The following CD38 variants were observed in gnomAD, a reference collection of about 807,000 sequenced individuals.
CD38 encodes the protein CD38 molecule.
Under a neutral mutation model 36.3 loss-of-function variants are expected in CD38, and 31 were observed. That is an observed-to-expected ratio of 0.85 (90% confidence interval 0.64 to 1.15). The LOEUF (loss-of-function observed/expected upper bound fraction) is 1.15. Among genes scored for constraint, CD38 ranks in the 50% most tolerant of loss-of-function variants. The pLI is 0.00. For synonymous variants in CD38, 131 were observed against 135.2 expected (o/e 0.97, Z 0.22); for missense variants, 380 against 371.9 (o/e 1.02, Z -0.18).
chr4:15,840,122 T>C lies in CD38; in HGVS notation c.752+4T>C. ...ATGGTGGAAGAGAAGATTCCAGGTA[T>C]ATCTTACTACTTTGTACCCAAGTGT... is the stretch of plus-strand genomic sequence containing the variant. On this transcript the variant is annotated splice_donor_region_variant and intron_variant, in intron 6 of 7. Coordinates refer to ENST00000226279, the MANE Select transcript of CD38 (RefSeq NM_001775.4). 1 of 1,582,286 alleles carries C rather than the reference T, an allele frequency of 6.3e-7. No homozygotes were observed. Among genetic ancestry groups the C allele is most frequent in the Non-Finnish European group, 8.7e-7 (1 of 1,150,980 alleles).
Position 15,778,764 on chromosome 4 carries a change from G to A in CD38, c.233+117G>A. 1.4e-6 allele frequency: 1 copy of A among 726,590 alleles called. No individual in the cohort carries two copies. 45.0% of individuals were successfully genotyped at this position (726,590 alleles called of 1,614,324 possible). A position where few individuals can be genotyped will look rare whatever the true frequency, so the allele number is the denominator to read the frequency against. ...ATCTTCCGTGGCGGGTCAGCCGAGA[G>A]CCCGCCGGGTGGTGCTGAGTAGGGA... On this transcript the variant is annotated intron_variant, in intron 1 of 7. Transcript: ENST00000226279. This position sits in a 1 kb window ranked among gnomAD's most constrained non-coding sequence, Gnocchi z 4.9.
intron 3 of CD38, among the ~76,000 whole-genome samples, chr4:15,827,841 T>C (rs1425874044): frequency 6.6e-6 from 1 of 152,182 alleles, no homozygotes. Context: ...CCTCAATTTT[T>C]AATTTCTTCT....
intron 2 of CD38, among the ~76,000 whole-genome samples, chr4:15,820,760 G>C (rs1440202062): frequency 6.6e-6 from 1 of 151,990 alleles, no homozygotes; most frequent in East Asian, 1.9e-4. Context: ...ACATCCCACT[G>C]TCAATATTAG....
intron 1 of CD38, among the ~76,000 whole-genome samples, chr4:15,802,501 A>G (rs1344174813): frequency 1.8e-5 from 1 of 54,158 alleles, no homozygotes; most frequent in Admixed American, 1.3e-4. Flanking sequence ...GTTTTATTTT[A>G]TTTTATTTTA....
At position 15,834,221 on chromosome 4, in the gene CD38, A is replaced by C. The variant is rs1800051; in HGVS notation, c.504A>C (p.Ile168=). The change falls in exon 4 of 8, where the codon ATA becomes ATC. Residue 168 remains isoleucine (I), a synonymous_variant. Transcript: ENST00000226279. ...TCTACAAACTATGTCTTTTAGAAAT[A>C]AACTATCAATCTTGCCCAGACTGGA... The part of the protein sequence containing the change: ...TWCGEFNTSK[I]NYQSCPDWRK... 0.046 allele frequency: 73,399 copies of C among 1,596,590 alleles called. 2,505 individuals carry two copies. Among genetic ancestry groups the C allele is most frequent in the East Asian group, 0.16 (7,252 of 44,740 alleles).
intron 7 of CD38, among the ~76,000 whole-genome samples, chr4:15,842,352 G>C (rs1261439612): frequency 3.4e-4 from 45 of 130,498 alleles, no homozygotes; most frequent in Non-Finnish European, 6.2e-4. Flanking sequence ...TGAGGGTCCT[G>C]TCTGTTAGAA....
At chr4:15,784,786 G>A (rs1225948118) in intron 1 of CD38, among the ~76,000 whole-genome samples, 1 of 152,074 alleles carries the variant, frequency 6.6e-6, no homozygotes, top group Middle Eastern at 3.2e-3. Context: ...GGCGAGGCAC[G>A]GTGGCTCACA....
intron 5 of CD38, among the ~76,000 whole-genome samples, chr4:15,839,328 T>G (rs1724147166): frequency 6.6e-6 from 1 of 151,460 alleles, no homozygotes; most frequent in Admixed American, 6.6e-5. Context: ...GCATTGCCTC[T>G]CAAACTTCAC....
In CD38 at chr4:15,846,016, C is replaced by G. The variant is rs527605957; in HGVS notation, c.840-2523C>G. Among the ~76,000 whole-genome samples the G allele has an allele frequency of 2.2e-3, 153 of 70,340 alleles. 36 individuals are homozygous for G. The highest frequency in any genetic ancestry group is 0.017 in the African/African-American group (147 of 8,728). The allele number at this position is 70,340 out of a possible 152,430, so 46.1% of individuals were successfully genotyped here. A position where few individuals can be genotyped will look rare whatever the true frequency, so the allele number is the denominator to read the frequency against. On this transcript the variant is annotated intron_variant, in intron 7 of 7. Transcript: ENST00000226279. ...TTTACAGATTCAATGCCATCCCCAT[C>G]AAGCTACCAATGACTTTCTTCACAG... is the stretch of plus-strand genomic sequence containing the variant.
chr4:15,847,780 C>G (rs994871834), intron 7 of CD38, among the ~76,000 whole-genome samples: 5 of 152,144 alleles, frequency 3.3e-5, no homozygotes, highest in African/African-American at 1.2e-4. Flanking sequence ...TAACCTTTTT[C>G]TCATAAATGA....
rs1305400430 is a variant in CD38 at position 15,852,979 on chromosome 4, T to G, written c.*4377T>G. ...GCGCCCGCCATCTCGCCCGGCTAAT[T>G]TTTTGTATTTTTAGTAGAGACGGGG... On this transcript the variant is annotated 3_prime_UTR_variant, in exon 8 of 8. Coordinates refer to ENST00000226279, the MANE Select transcript of CD38 (RefSeq NM_001775.4). 4 of 152,156 alleles carry G rather than the reference T, an allele frequency of 2.6e-5. No individual in the cohort carries two copies. The highest frequency in any genetic ancestry group is 9.6e-5 in the African/African-American group (4 of 41,500). 9.4% of individuals were successfully genotyped at this position (152,156 alleles called of 1,614,324 possible).
At chr4:15,814,819 T>TTTTTTG (rs1723550060) in intron 1 of CD38, among the ~76,000 whole-genome samples, 1 of 148,964 alleles carries the variant, frequency 6.7e-6, no homozygotes, top group Non-Finnish European at 1.5e-5. Context: ...TTTGTTTTTT[T>TTTTTTG]TTTTTGAGAT....
Position 15,852,510 on chromosome 4 carries a change from A to C in CD38, c.*3908A>C, listed in dbSNP as rs1453003902. ...ATGTGCTGGATAGTTTTTAAGTATG[A>C]CATAAAAATTGTATAAAGTAAAATA... On this transcript the variant is annotated 3_prime_UTR_variant, in exon 8 of 8. Coordinates refer to ENST00000226279, the MANE Select transcript of CD38 (RefSeq NM_001775.4). 1 of 152,230 alleles carries C rather than the reference A, an allele frequency of 6.6e-6. No homozygotes were observed. The highest frequency in any genetic ancestry group is 2.4e-5 in the African/African-American group (1 of 41,462). The allele number at this position is 152,230 out of a possible 1,614,324, so 9.4% of individuals were successfully genotyped here.
intron 1 of CD38, among the ~76,000 whole-genome samples, chr4:15,786,159 G>A (rs1407116170): frequency 6.6e-6 from 1 of 152,184 alleles, no homozygotes; most frequent in African/African-American, 2.4e-5. Flanking sequence ...ATTGCAAAGA[G>A]CAAAAGAACA....
At chr4:15,841,129 G>C (rs1159732117) in intron 7 of CD38, among the ~76,000 whole-genome samples, 1 of 152,010 alleles carries the variant, frequency 6.6e-6, no homozygotes, top group African/African-American at 2.4e-5. Flanking sequence ...ATTTTTTAAA[G>C]TCACATATAA....
chr4:15,798,587 T>C (rs1037734807), intron 1 of CD38, among the ~76,000 whole-genome samples: 1 of 152,152 alleles, frequency 6.6e-6, no homozygotes, highest in Non-Finnish European at 1.5e-5. Context: ...GCTTTGCCAA[T>C]AGGAAAGAAG....
At chr4:15,780,982 C>T (rs1449650626) in intron 1 of CD38, among the ~76,000 whole-genome samples, 5 of 152,218 alleles carry the variant, frequency 3.3e-5, no homozygotes, top group East Asian at 1.9e-4. Context: ...GTGGCGCGTG[C>T]CTGTAATCCC....
At chr4:15,821,316 A>G (rs1243596148) in intron 2 of CD38, among the ~76,000 whole-genome samples, 2 of 152,156 alleles carry the variant, frequency 1.3e-5, no homozygotes, top group East Asian at 3.9e-4. Flanking sequence ...CAAAGCTAGC[A>G]GAAGACAAGA....
At chr4:15,801,279 AT>A (rs1404576358) in intron 1 of CD38, among the ~76,000 whole-genome samples, 1 of 152,066 alleles carries the variant, frequency 6.6e-6, no homozygotes, top group Non-Finnish European at 1.5e-5. Flanking sequence ...CTCAATAATA[AT>A]TTTTATTAAA....
Sources: gnomAD v4.1 joint callset for allele counts (sites outside exome capture counted in the v4.1 genomes callset) on GRCh38, gnomAD v4.1.1 for gene constraint, Gnocchi (gnomAD v3.1) non-coding constraint, MANE v1.5 for transcripts, NCBI Gene and HGNC (gene_info 2026-07-23, HGNC 2026-07-21) for gene names.